SLC30A8: variants seen among roughly 807,000 people sequenced by gnomAD.
The protein encoded by SLC30A8 is solute carrier family 30 member 8.
SLC30A8 carries 27 observed loss-of-function variants against 36.9 expected under a neutral mutation model. That is an observed-to-expected ratio of 0.73 (90% CI 0.54 to 1.01). The LOEUF is 1.01. Among genes scored for constraint, SLC30A8 ranks in the 50% least tolerant of loss-of-function variants. The pLI is 0.00. For synonymous variants in SLC30A8, 164 were observed against 172.4 expected (o/e 0.95, Z 0.38); for missense variants, 439 against 452.0 (o/e 0.97, Z 0.26).
chr8:117,140,691 A>G (rs896405092), intron 1 of SLC30A8, among the ~76,000 whole-genome samples: 1 of 152,098 alleles, frequency 6.6e-6, no homozygotes, highest in African/African-American at 2.4e-5. Flanking sequence ...AAAGACAAAC[A>G]AAATCTAAGA....
chr8:117,045,702 C>A (rs983587562), intron 2 of SLC30A8, among the ~76,000 whole-genome samples: 1 of 152,206 alleles, frequency 6.6e-6, no homozygotes, highest in Non-Finnish European at 1.5e-5. Context: ...ATATACTCTG[C>A]TCGCAGCAGC....
intron 1 of SLC30A8, among the ~76,000 whole-genome samples, chr8:117,030,993 A>C (rs1586420696): frequency 6.6e-6 from 1 of 152,286 alleles, no homozygotes; most frequent in Non-Finnish European, 1.5e-5. Flanking sequence ...TTTTCTTTCT[A>C]AGCTTACTAA....
upstream of SLC30A8, among the ~76,000 whole-genome samples, chr8:117,132,435 G>A (rs118036418): frequency 0.018 from 2,803 of 152,118 alleles, 35 homozygotes; most frequent in Admixed American, 0.034. Flanking sequence ...AGCTGTTATA[G>A]ATTGTGTGTT....
chr8:116,972,994 G>A (rs1021469287), intron 1 of SLC30A8, among the ~76,000 whole-genome samples: 2 of 152,120 alleles, frequency 1.3e-5, no homozygotes, highest in African/African-American at 2.4e-5. Context: ...AGGAGGTGGG[G>A]CCTTTGGAAG....
chr8:117,075,676 T>C (rs534457077), intron 2 of SLC30A8, among the ~76,000 whole-genome samples: 1 of 152,354 alleles, frequency 6.6e-6, no homozygotes, highest in South Asian at 2.1e-4. Flanking sequence ...TTCTCATCTT[T>C]AGCTTCACCT....
intron 1 of SLC30A8, chr8:117,007,110 T>C (rs1816209694): frequency 6.7e-6 from 1 of 150,306 alleles, no homozygotes; most frequent in South Asian, 2.1e-4. Context: ...CCCGGGGGAG[T>C]CAGGTAATTT....
intron 2 of SLC30A8, among the ~76,000 whole-genome samples, chr8:117,069,140 T>C (rs1376957712): frequency 6.6e-6 from 1 of 152,136 alleles, no homozygotes; most frequent in Non-Finnish European, 1.5e-5. Context: ...TGCAAACTCA[T>C]TATTAAAAAA....
chr8:117,144,902 T>TA (rs1821830820), intron 1 of SLC30A8, among the ~76,000 whole-genome samples: 1 of 152,184 alleles, frequency 6.6e-6, no homozygotes, highest in African/African-American at 2.4e-5. Flanking sequence ...AGCTCATCCA[T>TA]ATTCCCCTGG....
chr8:117,164,591 A>T (rs188397206), intron 6 of SLC30A8, among the ~76,000 whole-genome samples: 94 of 152,246 alleles, frequency 6.2e-4, no homozygotes, highest in South Asian at 1.5e-3. Context: ...TAAAATAAAT[A>T]AAAAAAGCTT....
intron 1 of SLC30A8, among the ~76,000 whole-genome samples, chr8:116,974,513 T>C (rs1814909332): frequency 6.6e-6 from 1 of 152,108 alleles, no homozygotes; most frequent in African/African-American, 2.4e-5. Context: ...GTTAGAATGA[T>C]GATCATTAAA....
intron 1 of SLC30A8, among the ~76,000 whole-genome samples, chr8:116,968,384 A>G (rs1194629355): frequency 2.0e-5 from 3 of 150,214 alleles, no homozygotes; most frequent in Non-Finnish European, 3.0e-5. Flanking sequence ...ATTATATAGT[A>G]TACTATATTA....
In SLC30A8 at chr8:117,147,158, GTCTT is replaced by G. The variant is rs764209881; in HGVS notation, c.271+9_271+12del. 4 of 1,612,670 alleles carry G rather than the reference GTCTT, an allele frequency of 2.5e-6. No individual in the cohort carries two copies. In the South Asian group the frequency reaches 4.4e-5, roughly 18 times the overall value. ...TCATGATTGCAGAGGTCGTGGGTGA[GTCTT>G]TCTGCAGACTTTTTTCATTAAACAA... is the stretch of plus-strand genomic sequence containing the variant. On this transcript the variant is annotated splice_donor_region_variant and intron_variant, in intron 2 of 7. Coordinates refer to ENST00000456015, the MANE Select transcript of SLC30A8 (RefSeq NM_173851.3).
chr8:117,101,679 G>C (rs1338667437), intron 2 of SLC30A8, among the ~76,000 whole-genome samples: 1 of 152,128 alleles, frequency 6.6e-6, no homozygotes, highest in Non-Finnish European at 1.5e-5. Flanking sequence ...CTCAATCTAG[G>C]TGGGCACAAT....
rs71305462 is a variant in SLC30A8, at chr8:117,166,766, A to ATTTTTTTTTTTT, written c.829+3245_829+3256dup. ...GATTGAAATATCCAGACATTAGCTG[A>ATTTTTTTTTTTT]TTTTTTTTTTTTTTTTTTTTGTCCA... On this transcript the variant is annotated intron_variant, in intron 6 of 7. Coordinates refer to ENST00000456015, the MANE Select transcript of SLC30A8 (RefSeq NM_173851.3). Among the ~76,000 whole-genome samples the ATTTTTTTTTTTT allele has an allele frequency of 4.5e-3, 582 of 128,592 alleles. 15 individuals carry two copies. Among genetic ancestry groups the ATTTTTTTTTTTT allele is most frequent in the East Asian group, 0.021 (89 of 4,238 alleles). The allele number at this position is 128,592 out of a possible 152,430, so 84.4% of individuals were successfully genotyped here.
intron 1 of SLC30A8, among the ~76,000 whole-genome samples, chr8:117,010,667 A>G (rs1352888493): frequency 6.6e-6 from 1 of 152,150 alleles, no homozygotes; most frequent in African/African-American, 2.4e-5. Flanking sequence ...AGACTGGGTA[A>G]TTTACAAAGA....
chr8:117,011,420 C>T (rs952657957), intron 1 of SLC30A8, among the ~76,000 whole-genome samples: 2 of 152,194 alleles, frequency 1.3e-5, no homozygotes, highest in African/African-American at 4.8e-5. Context: ...TGCCAAATAG[C>T]TCGTTTGTGA....
intron 1 of SLC30A8, among the ~76,000 whole-genome samples, chr8:117,144,098 T>A (rs1339895623): frequency 6.6e-6 from 1 of 152,156 alleles, no homozygotes; most frequent in Non-Finnish European, 1.5e-5. Context: ...TCATGCTGTC[T>A]TCTCAGCCCA....
At chr8:116,993,086 G>C (rs540937775) in intron 1 of SLC30A8, among the ~76,000 whole-genome samples, 17 of 152,226 alleles carry the variant, frequency 1.1e-4, no homozygotes, top group African/African-American at 3.9e-4. Flanking sequence ...AATCTGAATA[G>C]ATAATCTCCT....
chr8:117,038,255 T>G (rs993853362), intron 1 of SLC30A8, among the ~76,000 whole-genome samples: 7 of 152,216 alleles, frequency 4.6e-5, no homozygotes, highest in Non-Finnish European at 5.9e-5. Flanking sequence ...CAGAGACAAT[T>G]ATTATTTCTA....
Sources: gnomAD v4.1 joint callset for allele counts (sites outside exome capture counted in the v4.1 genomes callset) on GRCh38, gnomAD v4.1.1 for gene constraint, MANE v1.5 for transcripts, NCBI Gene and HGNC (gene_info 2026-07-23, HGNC 2026-07-21) for gene names.